Variants in TNIP3 observed in about 807,000 individuals in gnomAD.
TNIP3 encodes the protein TNFAIP3-interacting protein 3.
A neutral mutation model predicts 54.1 loss-of-function variants in TNIP3; 34 were observed. The ratio of observed to expected loss-of-function variants is 0.63; its 90% CI spans 0.48 to 0.84. TNIP3 has a LOEUF of 0.84. TNIP3 is among the 40% of genes least tolerant of loss of function. The probability of loss-of-function intolerance (pLI) is 0.00; values close to 1 mark genes in which losing one functional copy is unlikely to be tolerated. For synonymous variants in TNIP3, 134 were observed against 136.8 expected (o/e 0.98, Z 0.14); for missense variants, 366 against 387.6 (o/e 0.94, Z 0.47).
At chr4:121,139,438 G>C (rs1184588117) in intron 9 of TNIP3, among the ~76,000 whole-genome samples, 2 of 152,196 alleles carry the variant, frequency 1.3e-5, no homozygotes, top group African/African-American at 4.8e-5. Context: ...AGCAATCTCA[G>C]CTTTACCTGC....
At chr4:121,133,223 T>A (rs1309061184) in intron 10 of TNIP3, among the ~76,000 whole-genome samples, 1 of 152,046 alleles carries the variant, frequency 6.6e-6, no homozygotes, top group African/African-American at 2.4e-5. Flanking sequence ...CAGGAAAAAA[T>A]AATCATAGAA....
chr4:121,138,973 G>A (rs78922708), intron 9 of TNIP3, among the ~76,000 whole-genome samples: 2,937 of 152,152 alleles, frequency 0.019, 68 homozygotes, highest in Admixed American at 0.029. Context: ...ATCTGCAGAA[G>A]TATAAACACT....
At chr4:121,148,055 T>A (rs762146931) in intron 6 of TNIP3, among the ~76,000 whole-genome samples, 1 of 152,198 alleles carries the variant, frequency 6.6e-6, no homozygotes, top group Non-Finnish European at 1.5e-5. Flanking sequence ...TTTTTTTGGT[T>A]GAGAACTGAC....
chr4:121,150,200 T>C lies in TNIP3; in HGVS notation c.512A>G (p.Asn171Ser). The change falls in exon 6 of 11, where the codon AAT becomes AGT. Residue 171 changes from asparagine (N) to serine (S), a missense_variant. Transcript: ENST00000057513. ...GTCCTCGGAAAATGAACACTTGATA[T>C]TCAAGGCATCCTGAAGAGCCTACGT... ...RLNKALQDAL[N>S]IKCSFSEDCL... is the part of the protein sequence containing the mutation. The C allele has an allele frequency of 6.2e-7, 1 of 1,613,222 alleles. No individual in the cohort carries two copies. The highest frequency in any genetic ancestry group is 8.5e-7 in the Non-Finnish European group (1 of 1,179,312).
chr4:121,183,688 C>G (rs987737835), intron 2 of TNIP3, among the ~76,000 whole-genome samples: 16 of 152,064 alleles, frequency 1.1e-4, no homozygotes, highest in African/African-American at 3.9e-4. Context: ...AGCGCAAATC[C>G]TATTGCGAAC....
intron 2 of TNIP3, among the ~76,000 whole-genome samples, chr4:121,196,825 T>C (rs1725612458): frequency 6.6e-6 from 1 of 152,084 alleles, no homozygotes. Context: ...TTGCTTCTAT[T>C]TTCTTTCGAT....
chr4:121,192,994 A>G (rs1725378500), intron 2 of TNIP3: 1 of 152,100 alleles, frequency 6.6e-6, no homozygotes, highest in African/African-American at 2.4e-5. Flanking sequence ...CTTTCCTCGT[A>G]TATGCTCTGT....
intron 7 of TNIP3, among the ~76,000 whole-genome samples, chr4:121,146,212 T>TA (rs879536219): frequency 1.3e-5 from 2 of 152,160 alleles, no homozygotes; most frequent in Non-Finnish European, 2.9e-5. Flanking sequence ...AAGTTAATCT[T>TA]AAAAAAATCA....
chr4:121,165,206 G>A (rs540831984), upstream of TNIP3, among the ~76,000 whole-genome samples: 49 of 151,024 alleles, frequency 3.2e-4, 1 homozygote, highest in African/African-American at 1.1e-3. Flanking sequence ...AAATTCAAAA[G>A]AGAGTGATTG....
chr4:121,164,328 A>G (rs972773204), upstream of TNIP3: 3 of 1,356,996 alleles, frequency 2.2e-6, no homozygotes, highest in African/African-American at 2.9e-5. Flanking sequence ...GAATAAAGTT[A>G]TAAGCACTGC....
At chr4:121,136,028 G>T (rs1041975725) in intron 10 of TNIP3, among the ~76,000 whole-genome samples, 1 of 152,196 alleles carries the variant, frequency 6.6e-6, no homozygotes, top group African/African-American at 2.4e-5. Context: ...CTTCTCTGCT[G>T]CTGGCCAGCC....
intron 3 of TNIP3, among the ~76,000 whole-genome samples, chr4:121,177,851 A>G (rs1724453121): frequency 6.6e-6 from 1 of 152,220 alleles, no homozygotes; most frequent in Non-Finnish European, 1.5e-5. Context: ...CCACCTGGAA[A>G]CTAAACCATG....
chr4:121,169,144 A>G (rs897777354), upstream of TNIP3, among the ~76,000 whole-genome samples: 4 of 152,094 alleles, frequency 2.6e-5, no homozygotes, highest in African/African-American at 4.8e-5. Flanking sequence ...CATGTCACTC[A>G]TAGTGAAAGC....
intron 3 of TNIP3, among the ~76,000 whole-genome samples, chr4:121,179,675 C>T (rs1428814203): frequency 2.0e-5 from 3 of 152,134 alleles, no homozygotes; most frequent in South Asian, 4.2e-4. Flanking sequence ...CCAGAGTGAA[C>T]GAAAGATGGC....
intron 1 of TNIP3, among the ~76,000 whole-genome samples, chr4:121,162,341 A>T (rs1730503536): frequency 6.6e-6 from 1 of 152,170 alleles, no homozygotes; most frequent in African/African-American, 2.4e-5. Flanking sequence ...CTTCCTATTT[A>T]GACCTATGTT....
At chr4:121,227,385 C>A in exon 1 of TNIP3, 1 of 1,535,302 alleles carries the variant, frequency 6.5e-7, no homozygotes, top group Non-Finnish European at 8.7e-7. Context: ...TGTTACTCAC[C>A]ATGTTCTATC....
chr4:121,158,565 A>G lies in TNIP3; in HGVS notation c.213+122T>C, dbSNP rs901890870. 5.1e-6 allele frequency: 4 copies of G among 787,098 alleles called. No individual in the cohort carries two copies. In the African/African-American group the frequency reaches 7.0e-5, roughly 14 times the overall value. The allele number at this position is 787,098 out of a possible 1,614,324, so 48.8% of individuals were successfully genotyped here. A position where few individuals can be genotyped will look rare whatever the true frequency, so the allele number is the denominator to read the frequency against. ...TACTACACTTAGCACCCTTCCCGTCATTTTCCAACAGTTGGCTATCCACAA... is the reference window on the plus strand; with the variant it reads ...TACTACACTTAGCACCCTTCCCGTCGTTTTCCAACAGTTGGCTATCCACAA... On this transcript the variant is annotated intron_variant, in intron 3 of 10. Coordinates refer to ENST00000057513, the MANE Select transcript of TNIP3 (RefSeq NM_024873.6).
rs532446958 is a variant in TNIP3 at position 121,181,120 on chromosome 4, G to A, written c.189+1556C>T. On this transcript the variant is annotated intron_variant, in intron 3 of 12. Coordinates refer to the TNIP3 transcript ENST00000507879. ...CCTGTAGCTAAGAGGAAGGTAATAA[G>A]GATGTAGAAGAGGTTTTTACCATGT... 2.0e-5 allele frequency among the ~76,000 whole-genome samples: 3 copies of A among 152,302 alleles called. No homozygotes were observed. The Middle Eastern group carries it at 0.01, about 522-fold the overall frequency.
intron 9 of TNIP3, among the ~76,000 whole-genome samples, chr4:121,138,939 T>A (rs1182184424): frequency 1.3e-5 from 2 of 152,166 alleles, no homozygotes; most frequent in Non-Finnish European, 2.9e-5. Flanking sequence ...TTCTTTCTTT[T>A]TTTGAAACAG....
Sources: gnomAD v4.1 joint callset for allele counts (sites outside exome capture counted in the v4.1 genomes callset) on GRCh38, gnomAD v4.1.1 for gene constraint, MANE v1.5 for transcripts, NCBI Gene and HGNC (gene_info 2026-07-23, HGNC 2026-07-21) for gene names.